The following XKRX variants were observed in gnomAD, a reference collection of about 807,000 sequenced individuals.
XKRX encodes XK related X-linked.
Under a neutral mutation model 22.4 loss-of-function variants are expected in XKRX, and 11 were observed. The observed-to-expected ratio is 0.49, with a 90% CI of 0.31 to 0.81. The LOEUF is 0.81. XKRX is among the 40% of genes least tolerant of loss of function. XKRX has a pLI of 0.05. For synonymous variants in XKRX, 114 were observed against 132.2 expected, an observed-to-expected ratio of 0.86 and a Z score of 0.94; for missense variants, 320 against 336.5, an observed-to-expected ratio of 0.95 and a Z score of 0.38.
chrX:100,914,847 G>A lies in XKRX; in HGVS notation c.841C>T (p.Leu281Phe). 3 of 1,211,694 alleles carry A rather than the reference G, an allele frequency of 2.5e-6. No individual in the cohort carries two copies. In the Admixed American group the frequency reaches 6.5e-5, roughly 26 times the overall value. Residue 281 changes from leucine to phenylalanine, a missense_variant, in exon 3 of 3, where the codon CTC (leucine) becomes TTC (phenylalanine). Transcript: ENST00000372956. ...PFLVLNFLII[L>F]FEPWIKFWRS... ...CAGAACTTAATCCAGGGCTCAAAGA[G>A]GATGATCAGGAAGTTGAGCACTAGG...
chrX:100,931,905 T>C (rs1172933256), upstream of XKRX, among the ~76,000 whole-genome samples: 1 of 111,769 alleles, frequency 8.9e-6, no homozygotes, highest in Non-Finnish European at 1.9e-5. Context: ...ACATGATCTG[T>C]CCCTTCTCAA....
Position 100,917,634 on chromosome X carries a change from GAAGAAAGA to G in XKRX, c.605-2559_605-2552del, listed in dbSNP as rs745405207. Among the ~76,000 whole-genome samples the G allele has an allele frequency of 3.7e-3, 179 of 49,010 alleles. 5 individuals carry two copies. Among genetic ancestry groups the G allele is most frequent in the South Asian group, 0.019 (14 of 730 alleles). The allele number at this position is 49,010 out of a possible 115,157, so 42.6% of individuals were successfully genotyped here. ...AAAGAGAGAAAGAAAGAGAAAGAAA[GAAGAAAGA>G]AAGAAAGAAAGAAAGAAAGAAAGAA... On this transcript the variant is annotated intron_variant, in intron 2 of 2. Transcript: ENST00000372956.
chrX:100,894,618 A>G, the XKRX span, among the ~76,000 whole-genome samples: 1 of 111,125 alleles, frequency 9.0e-6, no homozygotes, highest in East Asian at 2.8e-4. Context: ...TAATTTTTAA[A>G]TGTTTTGTAG....
rs1361159294 is a variant in XKRX at position 100,921,633 on chromosome X, TAAC to T, written c.604+1157_604+1159del. Among the ~76,000 whole-genome samples, 13 of 110,722 alleles carry T rather than the reference TAAC, an allele frequency of 1.2e-4. 1 individual carries two copies. In the Admixed American group the frequency reaches 1.3e-3, roughly 11 times the overall value. On this transcript the variant is annotated intron_variant, in intron 2 of 2. Transcript: ENST00000372956. ...CAAATCTCAGGCTGTTAAAATTCATTAACAACAATTTATCTCAACTTTGAAAAC... is the reference window on the plus strand; with the variant it reads ...CAAATCTCAGGCTGTTAAAATTCATTAACAATTTATCTCAACTTTGAAAAC...
the XKRX span, among the ~76,000 whole-genome samples, chrX:100,935,691 T>C: frequency 8.9e-6 from 1 of 112,447 alleles, no homozygotes; most frequent in African/African-American, 3.2e-5. Context: ...TCTTGCCTTC[T>C]CTTATCCATA....
At chrX:100,887,965 A>T in the XKRX span, 297,975 of 1,074,123 alleles carry the variant, frequency 0.28, 28,882 homozygotes, top group East Asian at 0.39. Flanking sequence ...TCATTCCCAC[A>T]GAAACCACCT....
intron 2 of XKRX, among the ~76,000 whole-genome samples, chrX:100,917,704 AAGAAAGAAAGAAAG>A (rs1356122367): frequency 1.1e-4 from 12 of 106,561 alleles, no homozygotes; most frequent in African/African-American, 4.1e-4. Context: ...GAAAGAAAGA[AAGAAAGAAAGAAAG>A]AAAGAAATCC....
chrX:100,953,061 G>A, the XKRX span, among the ~76,000 whole-genome samples: 1 of 112,111 alleles, frequency 8.9e-6, no homozygotes, highest in African/African-American at 3.2e-5. Context: ...CAGCACTTTG[G>A]GAGGCCAAGG....
chrX:100,945,535 ATGC>A, the XKRX span, among the ~76,000 whole-genome samples: 1 of 111,873 alleles, frequency 8.9e-6, no homozygotes, highest in Admixed American at 9.5e-5. Context: ...AAGCTCTCCA[ATGC>A]TGCTAATCTG....
the XKRX span, among the ~76,000 whole-genome samples, chrX:100,943,866 C>T: frequency 2.7e-5 from 3 of 111,903 alleles, no homozygotes; most frequent in East Asian, 8.4e-4. Flanking sequence ...TTCTTACTGT[C>T]TCAAACAAAA....
chrX:100,934,920 T>A, the XKRX span, among the ~76,000 whole-genome samples: 2 of 111,566 alleles, frequency 1.8e-5, no homozygotes. Context: ...GTGGATTTGG[T>A]TTGCATTTCC....
chrX:100,888,047 C>A, the XKRX span: 1 of 1,140,428 alleles, frequency 8.8e-7, no homozygotes, highest in Non-Finnish European at 1.2e-6. Flanking sequence ...CCATCTCTTG[C>A]TTTGACAGGG....
downstream of XKRX, among the ~76,000 whole-genome samples, chrX:100,909,673 G>A (rs2085399858): frequency 9.0e-6 from 1 of 111,704 alleles, no homozygotes; most frequent in Non-Finnish European, 1.9e-5. Flanking sequence ...GGAGGCCAAG[G>A]CAAGTGGATC....
the XKRX span, among the ~76,000 whole-genome samples, chrX:100,907,379 T>A: frequency 1.8e-5 from 2 of 110,792 alleles, no homozygotes; most frequent in East Asian, 5.7e-4. Context: ...TTTTTCTTTT[T>A]AGTAGAGTTG....
At chrX:100,917,674 A>AAAGAAAGAAAGAAAAGAAAGAAAGAAAG (rs34196882) in intron 2 of XKRX, among the ~76,000 whole-genome samples, 1 of 25,411 alleles carries the variant, frequency 3.9e-5, no homozygotes, top group African/African-American at 1.8e-4. Context: ...AGAAAGAAAG[A>AAAGAAAGAAAGAAAAGAAAGAAAGAAAG]AAAGAAAGAA....
the XKRX span, among the ~76,000 whole-genome samples, chrX:100,936,831 G>A: frequency 9.2e-6 from 1 of 108,880 alleles, no homozygotes; most frequent in Non-Finnish European, 1.9e-5. Flanking sequence ...ACTATCACAA[G>A]AACACCCCCA....
At chrX:100,925,947 C>T (rs73631327) in intron 1 of XKRX, among the ~76,000 whole-genome samples, 3,481 of 111,488 alleles carry the variant, frequency 0.031, 128 homozygotes, top group African/African-American at 0.11. Context: ...GAGCATCTCC[C>T]GAAAAGTTAG....
At chrX:100,910,742 G>A, downstream of XKRX, 9 of 717,021 alleles carry the variant, frequency 1.3e-5, no homozygotes, top group South Asian at 1.7e-4. Flanking sequence ...GAATTACACT[G>A]TAAACGCTAT....
the XKRX span, among the ~76,000 whole-genome samples, chrX:100,936,173 G>C: frequency 9.0e-6 from 1 of 111,276 alleles, no homozygotes; most frequent in African/African-American, 3.3e-5. Flanking sequence ...ATTATACAGG[G>C]AAGTGACAAA....
Sources: allele counts gnomAD v4.1 joint callset (sites outside exome capture counted in the v4.1 genomes callset), GRCh38; gene constraint gnomAD v4.1.1; transcripts MANE v1.5; gene names NCBI Gene and HGNC (gene_info 2026-07-23, HGNC 2026-07-21).